ITFG1: variants seen among roughly 807,000 people sequenced by gnomAD.
ITFG1 encodes the protein integrin alpha FG-GAP repeat containing 1.
A neutral mutation model predicts 81.8 loss-of-function variants in ITFG1; 34 were observed. The ratio of observed to expected loss-of-function variants is 0.42; its 90% CI spans 0.32 to 0.55. The LOEUF is 0.55. ITFG1 is among the 20% of genes least tolerant of loss of function. ITFG1 has a pLI of 0.17. For synonymous variants in ITFG1, 285 were observed against 270.6 expected, an observed-to-expected ratio of 1.05 and a Z score of -0.52; for missense variants, 672 against 755.4, an observed-to-expected ratio of 0.89 and a Z score of 1.29.
intron 6 of ITFG1, among the ~76,000 whole-genome samples, chr16:47,393,576 T>C (rs150292881): frequency 3.3e-5 from 5 of 151,840 alleles, no homozygotes; most frequent in Non-Finnish European, 5.9e-5. Flanking sequence ...ACTAAAAATA[T>C]AAAAATTAGC....
At chr16:47,454,411 T>C (rs577872113) in intron 2 of ITFG1, among the ~76,000 whole-genome samples, 1 of 152,340 alleles carries the variant, frequency 6.6e-6, no homozygotes, top group African/African-American at 2.4e-5. Context: ...AACGTGTTTA[T>C]TATGTTCAAG....
intron 6 of ITFG1, among the ~76,000 whole-genome samples, chr16:47,381,213 GA>G (rs1968392012): frequency 6.6e-6 from 1 of 152,084 alleles, no homozygotes; most frequent in Non-Finnish European, 1.5e-5. Context: ...AATCATATTA[GA>G]AAAACTCAAA....
At chr16:47,273,643 A>C (rs1966366658) in intron 10 of ITFG1, among the ~76,000 whole-genome samples, 1 of 152,174 alleles carries the variant, frequency 6.6e-6, no homozygotes, top group South Asian at 2.1e-4. Flanking sequence ...GGAAGCGAGC[A>C]TCTTTTGTAG....
intron 8 of ITFG1, among the ~76,000 whole-genome samples, chr16:47,344,760 G>A (rs570094996): frequency 1.4e-4 from 21 of 152,238 alleles, no homozygotes; most frequent in Non-Finnish European, 2.2e-4. Flanking sequence ...TCCTCCTACT[G>A]TCTATGTCCA....
At chr16:47,289,517 A>G (rs1252089964) in intron 10 of ITFG1, among the ~76,000 whole-genome samples, 1 of 151,928 alleles carries the variant, frequency 6.6e-6, no homozygotes, top group Non-Finnish European at 1.5e-5. Context: ...TTCAGGATTA[A>G]ATCTCATTAC....
intron 14 of ITFG1, among the ~76,000 whole-genome samples, chr16:47,211,965 A>C (rs1261955632): frequency 6.6e-6 from 1 of 150,534 alleles, no homozygotes; most frequent in Non-Finnish European, 1.5e-5. Context: ...CTTACTGTGT[A>C]TCCCAGGCTG....
chr16:47,223,356 C>T (rs1182951148), intron 13 of ITFG1, among the ~76,000 whole-genome samples: 3 of 152,136 alleles, frequency 2.0e-5, no homozygotes, highest in Non-Finnish European at 4.4e-5. Context: ...GGCTAATATC[C>T]AGAATCTACA....
At chr16:47,195,468 A>G (rs1357183925) in intron 14 of ITFG1, among the ~76,000 whole-genome samples, 1 of 152,314 alleles carries the variant, frequency 6.6e-6, no homozygotes, top group Non-Finnish European at 1.5e-5. Flanking sequence ...CACCTAGTAC[A>G]CTGCTACTAT....
chr16:47,362,657 G>A (rs1968124126), intron 8 of ITFG1, among the ~76,000 whole-genome samples: 1 of 152,086 alleles, frequency 6.6e-6, no homozygotes, highest in Non-Finnish European at 1.5e-5. Context: ...CCAAAGTCCA[G>A]TACAAAATCT....
chr16:47,215,293 G>A (rs1046732267), intron 14 of ITFG1, among the ~76,000 whole-genome samples: 2 of 152,110 alleles, frequency 1.3e-5, no homozygotes, highest in African/African-American at 4.8e-5. Context: ...TTTAAACTGG[G>A]AATTTTCATC....
At chr16:47,321,381 T>C (rs1967445850) in intron 8 of ITFG1, among the ~76,000 whole-genome samples, 1 of 152,184 alleles carries the variant, frequency 6.6e-6, no homozygotes, top group Non-Finnish European at 1.5e-5. Flanking sequence ...ACATATAAAA[T>C]GACATTTTCT....
At chr16:47,350,799 G>A (rs905985287) in intron 8 of ITFG1, among the ~76,000 whole-genome samples, 3 of 152,056 alleles carry the variant, frequency 2.0e-5, no homozygotes, top group African/African-American at 7.2e-5. Context: ...GATGAGCATC[G>A]ATGCAAAAAT....
chr16:47,417,986 A>G (rs1968894891), intron 6 of ITFG1, among the ~76,000 whole-genome samples: 1 of 152,098 alleles, frequency 6.6e-6, no homozygotes, highest in African/African-American at 2.4e-5. Context: ...ACTAATTTAC[A>G]TTTCAAACAA....
intron 13 of ITFG1, among the ~76,000 whole-genome samples, chr16:47,234,392 TAAGA>T (rs948125386): frequency 6.6e-6 from 1 of 152,094 alleles, no homozygotes; most frequent in Non-Finnish European, 1.5e-5. Flanking sequence ...GGACATGACC[TAAGA>T]AAGAATCAGT....
intron 2 of ITFG1, among the ~76,000 whole-genome samples, chr16:47,458,511 G>A (rs1969481101): frequency 6.6e-6 from 1 of 152,200 alleles, no homozygotes; most frequent in African/African-American, 2.4e-5. Flanking sequence ...TCAAATGAAT[G>A]TAGTTTCAAA....
intron 12 of ITFG1, among the ~76,000 whole-genome samples, chr16:47,256,549 A>G (rs1966141795): frequency 6.6e-6 from 1 of 152,228 alleles, no homozygotes; most frequent in South Asian, 2.1e-4. Context: ...CATACCAAAT[A>G]AACAGTATAT....
intron 10 of ITFG1, among the ~76,000 whole-genome samples, chr16:47,297,673 T>C (rs1967004873): frequency 6.6e-6 from 1 of 151,176 alleles, no homozygotes; most frequent in South Asian, 2.1e-4. Context: ...GAAAAAAGGC[T>C]CTCAATCCAT....
intron 13 of ITFG1, among the ~76,000 whole-genome samples, chr16:47,236,513 G>A (rs1247689876): frequency 6.6e-6 from 1 of 150,586 alleles, no homozygotes; most frequent in Non-Finnish European, 1.5e-5. Flanking sequence ...ACCTGCCTTG[G>A]CTATACAGCC....
intron 6 of ITFG1, among the ~76,000 whole-genome samples, chr16:47,376,189 T>C (rs1423602504): frequency 2.6e-5 from 4 of 152,204 alleles, no homozygotes; most frequent in African/African-American, 9.6e-5. Flanking sequence ...AGAATAGTTA[T>C]GTGTCGCACT....
Sources: gnomAD v4.1 joint callset for allele counts (sites outside exome capture counted in the v4.1 genomes callset) on GRCh38, gnomAD v4.1.1 for gene constraint, MANE v1.5 for transcripts, NCBI Gene and HGNC (gene_info 2026-07-23, HGNC 2026-07-21) for gene names.